Variants in FREM1 observed in about 807,000 individuals in gnomAD.
The protein encoded by FREM1 is FRAS1 related extracellular matrix 1.
FREM1 carries 220 observed loss-of-function variants against 210.1 expected under a neutral mutation model. That is an observed-to-expected ratio of 1.05 (90% CI 0.94 to 1.17). FREM1 has a LOEUF of 1.17. Among genes scored for constraint, FREM1 ranks in the 50% most tolerant of loss-of-function variants. The probability of loss-of-function intolerance (pLI) is 0.00; values close to 1 mark genes in which losing one functional copy is unlikely to be tolerated. For missense variants in FREM1, 3,454 were observed against 2,675.5 expected, an observed-to-expected ratio of 1.29 and a Z score of -6.42; for synonymous variants, 1,189 against 980.2, an observed-to-expected ratio of 1.21 and a Z score of -3.98.
intron 25 of FREM1, among the ~76,000 whole-genome samples, chr9:14,774,515 C>CTA (rs1346412912): frequency 8.6e-4 from 7 of 8,144 alleles, no homozygotes; most frequent in East Asian, 8.2e-3. Flanking sequence ...AAATAAATCT[C>CTA]TCTCTCTCTC....
intron 27 of FREM1, among the ~76,000 whole-genome samples, chr9:14,766,047 A>G (rs1994921): frequency 0.98 from 148,637 of 152,190 alleles, 72,674 homozygotes; most frequent in Middle Eastern, 1. Context: ...AAGCTTGTCA[A>G]GGGGTGCAGC....
At chr9:14,882,386 T>C (rs1311793796) in intron 1 of FREM1, among the ~76,000 whole-genome samples, 3 of 152,030 alleles carry the variant, frequency 2.0e-5, no homozygotes, top group African/African-American at 4.8e-5. Flanking sequence ...TGCACCACAA[T>C]GCTGTTGAAA....
rs367830679 is a variant in FREM1 at position 14,859,339 on chromosome 9, G to A, written c.475C>T (p.Leu159Phe). Residue 159 changes from leucine (L) to phenylalanine (F), a missense_variant, in exon 4 of 37, where the codon CTC becomes TTC. Leu to Phe is a conservative substitution (Grantham distance 22). Coordinates refer to ENST00000380880, the MANE Select transcript of FREM1 (RefSeq NM_001379081.2). ...GCCATCCTATCATAATCGAATCTGA[G>A]CAGATTTTTATCAATCGCTTGGGAC... ...GLSQAIDKNL[L>F]RFDYDRMASL... 3.1e-6 allele frequency: 5 copies of A among 1,613,768 alleles called. No individual in the cohort carries two copies. Among genetic ancestry groups the A allele is most frequent in the African/African-American group, 2.7e-5 (2 of 74,894 alleles).
At position 14,776,121 on chromosome 9, in the gene FREM1, C is replaced by T; in HGVS notation, c.4525G>A (p.Val1509Ile). 2 of 1,595,466 alleles carry T rather than the reference C, an allele frequency of 1.3e-6. No individual in the cohort carries two copies. The highest frequency in any genetic ancestry group is 1.7e-6 in the Non-Finnish European group (2 of 1,169,474). ...LETVDRALPV[V>I]TRNKGLRLAQ... Reference sequence around the variant, plus strand: ...AGTCTCAACCCCTTGTTCCTGGTTACCACAGGCAGGGCTCTGTCCACAGTC... The same window carrying T: ...AGTCTCAACCCCTTGTTCCTGGTTATCACAGGCAGGGCTCTGTCCACAGTC... The change falls in exon 25 of 37, where the codon GTA becomes ATA. Residue 1509 changes from valine (V) to isoleucine (I), a missense_variant. Physicochemically the swap from Val to Ile is conservative, Grantham distance 29. Transcript: ENST00000380880.
intron 29 of FREM1, among the ~76,000 whole-genome samples, chr9:14,756,154 T>C (rs1844304850): frequency 6.6e-6 from 1 of 152,132 alleles, no homozygotes; most frequent in Admixed American, 6.5e-5. Flanking sequence ...ATAATCTTTC[T>C]TCTCATTTGA....
chr9:14,906,293 A>AT (rs1324698537), intron 1 of FREM1, among the ~76,000 whole-genome samples: 1 of 151,998 alleles, frequency 6.6e-6, no homozygotes, highest in African/African-American at 2.4e-5. Context: ...AAAGGCCATT[A>AT]TTTTTTCCTA....
At position 14,841,548 on chromosome 9, in the gene FREM1, C is replaced by A; in HGVS notation, c.1780G>T (p.Gly594Ter). ...HGFLQRDLFN[G>*]IIYYRHFGGE... ...CCAAAATGACGATAATAAATGATTC[C>A]ATTAAACAAATCCCTCTGAAGGAAG... Residue 594 changes from glycine to a stop codon, truncating the protein, a stop_gained, in exon 10 of 37, where the codon GGA becomes TGA. Coordinates refer to ENST00000380880, the MANE Select transcript of FREM1 (RefSeq NM_001379081.2). LOFTEE classifies it high-confidence loss of function. 6.2e-7 allele frequency: 1 copy of A among 1,611,638 alleles called. No homozygotes were observed. Among genetic ancestry groups the A allele is most frequent in the Non-Finnish European group, 8.5e-7 (1 of 1,178,272 alleles).
chr9:14,756,902 C>A (rs1344513740), intron 28 of FREM1, among the ~76,000 whole-genome samples: 1 of 152,132 alleles, frequency 6.6e-6, no homozygotes, highest in Non-Finnish European at 1.5e-5. Flanking sequence ...TTGGAGGTAT[C>A]CTGCAAGCTC....
chr9:14,886,219 T>G (rs1044212384), intron 1 of FREM1, among the ~76,000 whole-genome samples: 1 of 151,804 alleles, frequency 6.6e-6, no homozygotes, highest in Non-Finnish European at 1.5e-5. Context: ...ACCCTGTCTC[T>G]ACTAAAAATA....
At chr9:14,872,543 G>A (rs1381325267) in intron 1 of FREM1, among the ~76,000 whole-genome samples, 1 of 152,104 alleles carries the variant, frequency 6.6e-6, no homozygotes, top group Admixed American at 6.6e-5. Context: ...TGCTGAAGTT[G>A]CTTATCAGCT....
chr9:14,902,727 C>G (rs79187322), intron 1 of FREM1, among the ~76,000 whole-genome samples: 1 of 152,156 alleles, frequency 6.6e-6, no homozygotes, highest in Non-Finnish European at 1.5e-5. Context: ...TGTAAAAGTG[C>G]AAAGCTAGTC....
chr9:14,784,522 G>C lies in FREM1; in HGVS notation c.4290C>G (p.Leu1430=), dbSNP rs1298476441. 6.2e-7 allele frequency: 1 copy of C among 1,613,696 alleles called. No individual in the cohort carries two copies. The highest frequency in any genetic ancestry group is 1.3e-5 in the African/African-American group (1 of 74,906). Reference sequence around the variant, plus strand: ...ATCGCGGAGGGGAGGTGATGACATAGAGCAGTTCCTCAGGCTTGTCTGTTC... The same window carrying C: ...ATCGCGGAGGGGAGGTGATGACATACAGCAGTTCCTCAGGCTTGTCTGTTC... The part of the protein sequence containing the change: ...VDGTDKPEEL[L]YVITSPPRYG... Residue 1430 remains leucine (L), a synonymous_variant, in exon 24 of 37, where the codon CTC becomes CTG. Transcript: ENST00000380880.
chr9:14,745,854 T>A (rs1190418200), intron 35 of FREM1, among the ~76,000 whole-genome samples: 2 of 152,208 alleles, frequency 1.3e-5, no homozygotes. Flanking sequence ...CCAGTGAGCC[T>A]TTGTCTTACT....
intron 36 of FREM1, among the ~76,000 whole-genome samples, chr9:14,739,425 G>C (rs1450273456): frequency 7.0e-6 from 1 of 143,092 alleles, no homozygotes; most frequent in Non-Finnish European, 1.5e-5. Flanking sequence ...CTTGACTGGA[G>C]GTAAGTCATT....
At chr9:14,817,176 C>T (rs78116705) in intron 14 of FREM1, among the ~76,000 whole-genome samples, 4,483 of 152,260 alleles carry the variant, frequency 0.029, 186 homozygotes, top group African/African-American at 0.099. Flanking sequence ...TAGGTCTGTA[C>T]GCTTGCAGAA....
rs925203802 is a variant in FREM1 at position 14,872,570 on chromosome 9, T to A, written c.-267-3326A>T. Among the ~76,000 whole-genome samples the A allele has an allele frequency of 2.2e-3, 328 of 152,314 alleles. 1 individual carries two copies. The highest frequency in any genetic ancestry group is 7.6e-3 in the African/African-American group (316 of 41,568). Reference sequence around the variant, plus strand: ...TTATCAGCTTAAGGAGATTTTGGACTGAGACAATGGGGTTTTCTAGATATA... The same window carrying A: ...TTATCAGCTTAAGGAGATTTTGGACAGAGACAATGGGGTTTTCTAGATATA... On this transcript the variant is annotated intron_variant, in intron 1 of 36. Transcript: ENST00000380880.
chr9:14,814,193 C>T (rs1819899001), intron 15 of FREM1, among the ~76,000 whole-genome samples: 1 of 152,136 alleles, frequency 6.6e-6, no homozygotes, highest in Non-Finnish European at 1.5e-5. Context: ...AATTTAGGGG[C>T]TTCTATTATT....
At chr9:14,818,658 G>T (rs1252821067) in intron 14 of FREM1, among the ~76,000 whole-genome samples, 2 of 152,178 alleles carry the variant, frequency 1.3e-5, no homozygotes, top group Non-Finnish European at 2.9e-5. Context: ...AAGACCTTCA[G>T]GTAAGGGCAG....
At chr9:14,745,133 G>C (rs1426785778) in intron 35 of FREM1, among the ~76,000 whole-genome samples, 1 of 152,118 alleles carries the variant, frequency 6.6e-6, no homozygotes, top group African/African-American at 2.4e-5. Context: ...AGTGAGAGGA[G>C]GAAGAAGATC....
Sources: gnomAD v4.1 joint callset for allele counts (sites outside exome capture counted in the v4.1 genomes callset) on GRCh38, gnomAD v4.1.1 for gene constraint, MANE v1.5 for transcripts, NCBI Gene and HGNC (gene_info 2026-07-23, HGNC 2026-07-21) for gene names.